Variants in FREM3 observed in about 807,000 individuals in gnomAD.
The protein encoded by FREM3 is FRAS1-related extracellular matrix protein 3.
Under a neutral mutation model 129.1 loss-of-function variants are expected in FREM3, and 105 were observed. The observed-to-expected ratio is 0.81, with a 90% confidence interval of 0.69 to 0.96. FREM3 has a LOEUF of 0.96. FREM3 is among the 40% of genes least tolerant of loss of function. The pLI is 0.00. For synonymous variants in FREM3, 1,014 were observed against 1,044.9 expected (o/e 0.97, Z 0.57); for missense variants, 2,593 against 2,666.3 (o/e 0.97, Z 0.61).
intron 2 of FREM3, among the ~76,000 whole-genome samples, chr4:143,669,421 C>T (rs552928525): frequency 6.6e-5 from 10 of 152,068 alleles, no homozygotes; most frequent in African/African-American, 1.7e-4. Flanking sequence ...GGACTACAGG[C>T]GTGAACCGCC....
intron 6 of FREM3, among the ~76,000 whole-genome samples, chr4:143,604,488 T>C (rs1473379642): frequency 1.3e-5 from 2 of 152,152 alleles, no homozygotes; most frequent in African/African-American, 4.8e-5. Context: ...TTGCCTCAGC[T>C]TCTTCCTTTT....
intron 2 of FREM3, among the ~76,000 whole-genome samples, chr4:143,659,045 T>A (rs916878935): frequency 6.3e-5 from 9 of 143,490 alleles, no homozygotes; most frequent in Admixed American, 2.8e-4. Context: ...TTTTTTTTTT[T>A]ATGTGCCCCC....
At chr4:143,619,701 C>G (rs1465373589) in intron 5 of FREM3, among the ~76,000 whole-genome samples, 1 of 152,120 alleles carries the variant, frequency 6.6e-6, no homozygotes, top group Non-Finnish European at 1.5e-5. Context: ...TAATAATTCA[C>G]AAATACTAAA....
chr4:143,695,774 G>C lies in FREM3; in HGVS notation c.4902C>G (p.Val1634=). 1 of 1,537,264 alleles carries C rather than the reference G, an allele frequency of 6.5e-7. No individual in the cohort carries two copies. Among genetic ancestry groups the C allele is most frequent in the South Asian group, 1.2e-5 (1 of 84,038 alleles). Residue 1634 remains valine, a synonymous_variant, in exon 1 of 8, where the codon GTC becomes GTG. Transcript: ENST00000329798. ...GTGTCGCCAGGGCAGTGTCTGGTAG[G>C]ACATAGAAATCAGTGTGAGTGCCGT... ...VTDGTHTDFY[V]LPDTALATHK...
chr4:143,651,342 T>C (rs1056496986), intron 2 of FREM3, among the ~76,000 whole-genome samples: 22 of 152,248 alleles, frequency 1.4e-4, no homozygotes, highest in African/African-American at 5.1e-4. Flanking sequence ...GATAGAGACT[T>C]TTGATTTCCT....
At chr4:143,638,226 C>A (rs781673604) in intron 2 of FREM3, among the ~76,000 whole-genome samples, 1 of 151,980 alleles carries the variant, frequency 6.6e-6, no homozygotes, top group Non-Finnish European at 1.5e-5. Flanking sequence ...GCTTTTGACA[C>A]AAAATAAAAT....
At chr4:143,647,317 T>C (rs549135171) in intron 2 of FREM3, among the ~76,000 whole-genome samples, 1 of 152,216 alleles carries the variant, frequency 6.6e-6, no homozygotes, top group African/African-American at 2.4e-5. Flanking sequence ...AGTCTGACAA[T>C]GTGATAGAAA....
Position 143,611,402 on chromosome 4 carries a change from T to TG in FREM3, c.5904dup (p.Ile1969HisfsTer2), listed in dbSNP as rs1738753574. 7 of 1,537,086 alleles carry TG rather than the reference T, an allele frequency of 4.6e-6. No homozygotes were observed. Among genetic ancestry groups the TG allele is most frequent in the Non-Finnish European group, 6.1e-6 (7 of 1,146,838 alleles). Reference sequence around the variant, plus strand: ...TCCTCTTCATAAAGGGAGTCATCAATGATCAGGACCTGGCAGGTCTTCTGT... The same window carrying TG: ...TCCTCTTCATAAAGGGAGTCATCAATGGATCAGGACCTGGCAGGTCTTCTGT... On this transcript the variant is annotated frameshift_variant, in exon 6 of 8. Coordinates refer to ENST00000329798, the MANE Select transcript of FREM3 (RefSeq NM_001168235.2). LOFTEE classifies it high-confidence loss of function.
At chr4:143,620,394 T>C (rs1328422943) in intron 5 of FREM3, among the ~76,000 whole-genome samples, 1 of 152,218 alleles carries the variant, frequency 6.6e-6, no homozygotes, top group East Asian at 1.9e-4. Context: ...CTTGTTGTCA[T>C]TTGGGTGGGC....
chr4:143,583,453 C>T lies in FREM3; in HGVS notation c.6178+2391G>A, dbSNP rs148688558. ...GGCCAAAATTCAAATTCAGGAAATG[C>T]AGAGAACCCTTTAAGATACTGTATA... On this transcript the variant is annotated intron_variant, in intron 7 of 7. Transcript: ENST00000329798. Among the ~76,000 whole-genome samples, 1,471 of 152,096 alleles carry T rather than the reference C, an allele frequency of 9.7e-3. 27 individuals carry two copies. Among genetic ancestry groups the T allele is most frequent in the African/African-American group, 0.034 (1,418 of 41,490 alleles).
chr4:143,628,773 C>T (rs1440808176), intron 2 of FREM3, among the ~76,000 whole-genome samples: 2 of 152,148 alleles, frequency 1.3e-5, no homozygotes, highest in Non-Finnish European at 2.9e-5. Flanking sequence ...GCCTTGACCT[C>T]CAGCCTACAG....
At chr4:143,674,166 C>T (rs550175223) in intron 2 of FREM3, among the ~76,000 whole-genome samples, 55 of 152,092 alleles carry the variant, frequency 3.6e-4, no homozygotes, top group African/African-American at 1.3e-3. Context: ...GCAGAAATCA[C>T]CCATCTTCTG....
intron 6 of FREM3, among the ~76,000 whole-genome samples, chr4:143,591,134 T>C (rs1292442106): frequency 1.3e-5 from 2 of 152,220 alleles, no homozygotes; most frequent in Non-Finnish European, 2.9e-5. Context: ...TCTCTTTTCT[T>C]CTTTATTGGT....
intron 2 of FREM3, among the ~76,000 whole-genome samples, chr4:143,647,698 T>C (rs7666499): frequency 6.6e-6 from 1 of 152,094 alleles, no homozygotes; most frequent in Non-Finnish European, 1.5e-5. Context: ...AAGTCAAGAA[T>C]TGGTGTTTGG....
At chr4:143,584,038 C>T (rs905364856) in intron 7 of FREM3, among the ~76,000 whole-genome samples, 14 of 152,210 alleles carry the variant, frequency 9.2e-5, no homozygotes, top group Non-Finnish European at 1.9e-4. Flanking sequence ...GAAGAAAGAT[C>T]CAACCACATG....
intron 6 of FREM3, among the ~76,000 whole-genome samples, chr4:143,607,086 G>C (rs1366759622): frequency 6.6e-6 from 1 of 152,124 alleles, no homozygotes; most frequent in African/African-American, 2.4e-5. Flanking sequence ...GCTTAGCAGA[G>C]TTCCTGACAC....
chr4:143,612,021 T>C (rs1195157027), intron 5 of FREM3, among the ~76,000 whole-genome samples: 1 of 152,208 alleles, frequency 6.6e-6, no homozygotes, highest in Non-Finnish European at 1.5e-5. Flanking sequence ...CAGAAAATTA[T>C]ATCTTATTTT....
At chr4:143,595,889 G>GAA (rs70953742) in intron 6 of FREM3, among the ~76,000 whole-genome samples, 2 of 110,662 alleles carry the variant, frequency 1.8e-5, no homozygotes, top group African/African-American at 3.6e-5. Flanking sequence ...CGCCATCTCA[G>GAA]AAAAAAAAAA....
intron 2 of FREM3, among the ~76,000 whole-genome samples, chr4:143,673,684 C>A (rs982754559): frequency 6.6e-6 from 1 of 152,242 alleles, no homozygotes; most frequent in Non-Finnish European, 1.5e-5. Context: ...TGCCCTGCCC[C>A]CAGAGGTAGA....
Sources: allele counts gnomAD v4.1 joint callset (sites outside exome capture counted in the v4.1 genomes callset), GRCh38; gene constraint gnomAD v4.1.1; transcripts MANE v1.5; gene names NCBI Gene and HGNC (gene_info 2026-07-23, HGNC 2026-07-21).